UBE2Q2: variants seen among roughly 807,000 people sequenced by gnomAD.
UBE2Q2 encodes the protein ubiquitin-conjugating enzyme E2 Q2.
A neutral mutation model predicts 59.9 loss-of-function variants in UBE2Q2; 54 were observed. That is an observed-to-expected ratio of 0.90 (90% confidence interval 0.72 to 1.13). The LOEUF (loss-of-function observed/expected upper bound fraction) is 1.13. Ranked by LOEUF, UBE2Q2 falls within the 50% of genes most tolerant of loss-of-function variation. The pLI is 0.00. For synonymous variants in UBE2Q2, 165 were observed against 155.2 expected, an observed-to-expected ratio of 1.06 and a Z score of -0.47; for missense variants, 433 against 441.9, an observed-to-expected ratio of 0.98 and a Z score of 0.18.
chr15:75,862,343 C>A (rs1897241928), intron 3 of UBE2Q2, among the ~76,000 whole-genome samples: 2 of 150,178 alleles, frequency 1.3e-5, no homozygotes, highest in South Asian at 4.2e-4. Flanking sequence ...CTTTAAGGAG[C>A]TATTTTGATA....
intron 2 of UBE2Q2, among the ~76,000 whole-genome samples, chr15:75,855,872 C>T (rs778566580): frequency 1.3e-5 from 2 of 152,128 alleles, no homozygotes; most frequent in Non-Finnish European, 2.9e-5. Context: ...TGTCACTTAT[C>T]GCCATGTCTT....
chr15:75,876,327 C>A, intron 6 of UBE2Q2, 56 bp downstream of exon 6: 1 of 1,444,354 alleles, frequency 6.9e-7, no homozygotes, highest in South Asian at 1.2e-5. Context: ...TTTCTATTGT[C>A]AGATTATAAA....
intron 6 of UBE2Q2, 82 bp downstream of exon 6, chr15:75,876,353 C>A: frequency 1.6e-6 from 2 of 1,242,264 alleles, no homozygotes; most frequent in Non-Finnish European, 2.2e-6. Context: ...TTTCTTAAAA[C>A]TGGACAGAAA....
intron 3 of UBE2Q2, among the ~76,000 whole-genome samples, chr15:75,866,613 T>G (rs994328033): frequency 6.6e-6 from 1 of 152,200 alleles, no homozygotes; most frequent in African/African-American, 2.4e-5. Context: ...TCAATGTCCC[T>G]TAACTGTTCT....
At position 75,897,018 on chromosome 15, in the gene UBE2Q2, C is replaced by A; in HGVS notation, c.1053C>A (p.Ala351=). The A allele has an allele frequency of 1.3e-6, 2 of 1,571,218 alleles. No individual in the cohort carries two copies. Among genetic ancestry groups the A allele is most frequent in the Non-Finnish European group, 8.6e-7 (1 of 1,156,176 alleles). ...ANKNQYNLAR[A]QQSYNSIVQI... ...AGAATCAATATAATCTAGCAAGAGCCCAACAATCCTATAATTCCATTGTAC... is the reference window on the plus strand; with the variant it reads ...AGAATCAATATAATCTAGCAAGAGCACAACAATCCTATAATTCCATTGTAC... The change falls in exon 12 of 13, where the codon GCC becomes GCA. Residue 351 remains alanine (A), a synonymous_variant. Coordinates refer to ENST00000267938, the MANE Select transcript of UBE2Q2 (RefSeq NM_173469.4).
chr15:75,847,399 A>G (rs1454247112), intron 1 of UBE2Q2, among the ~76,000 whole-genome samples: 4 of 152,192 alleles, frequency 2.6e-5, no homozygotes, highest in African/African-American at 9.7e-5. Flanking sequence ...AGACCAAAAC[A>G]GAGTAGATGT....
At chr15:75,844,081 G>C (rs1177722268) in intron 1 of UBE2Q2, 5 of 1,411,884 alleles carry the variant, frequency 3.5e-6, no homozygotes. Flanking sequence ...TGGCTTGGGG[G>C]CTTCTGGCCC....
intron 1 of UBE2Q2, chr15:75,844,188 CCGGGGCGGGG>C (rs534143228): frequency 1.8e-5 from 26 of 1,445,776 alleles, no homozygotes; most frequent in African/African-American, 1.7e-4. Flanking sequence ...GCTCCCGGGA[CCGGGGCGGGG>C]CGGGGCGGGG....
chr15:75,886,618 T>C (rs1419724209), intron 9 of UBE2Q2, among the ~76,000 whole-genome samples: 2 of 152,136 alleles, frequency 1.3e-5, no homozygotes, highest in African/African-American at 4.8e-5. Context: ...CCAGATGTGG[T>C]TGCTCACGCC....
chr15:75,852,966 C>G (rs1285635303), intron 1 of UBE2Q2, among the ~76,000 whole-genome samples: 2 of 152,158 alleles, frequency 1.3e-5, no homozygotes, highest in African/African-American at 4.8e-5. Flanking sequence ...GATTATAGTT[C>G]TCAAAGCAGT....
At chr15:75,896,171 T>G (rs981878861) in intron 11 of UBE2Q2, among the ~76,000 whole-genome samples, 3 of 152,144 alleles carry the variant, frequency 2.0e-5, no homozygotes, top group African/African-American at 7.2e-5. Context: ...ATGAATAATC[T>G]TAAAGAGGGA....
chr15:75,854,181 A>G (rs541614060), intron 1 of UBE2Q2, among the ~76,000 whole-genome samples: 2 of 152,298 alleles, frequency 1.3e-5, no homozygotes, highest in East Asian at 1.9e-4. Context: ...ATTGACTTCT[A>G]TGAGCTGTAG....
At chr15:75,882,288 G>A (rs1898475785) in intron 8 of UBE2Q2, among the ~76,000 whole-genome samples, 3 of 152,122 alleles carry the variant, frequency 2.0e-5, no homozygotes, top group South Asian at 4.1e-4. Context: ...GAGTTAATAT[G>A]TACTAAGGTA....
Position 75,854,395 on chromosome 15 carries a change from C to G in UBE2Q2, c.190C>G (p.Pro64Ala). The G allele has an allele frequency of 6.2e-7, 1 of 1,612,226 alleles. No homozygotes were observed. ...TLHCNITESY[P>A]SSSPIWFVDS... Reference sequence around the variant, plus strand: ...TCTCTGTGTTAAACAGGAATCCTATCCATCTTCTTCACCGATATGGTTTGT... The same window carrying G: ...TCTCTGTGTTAAACAGGAATCCTATGCATCTTCTTCACCGATATGGTTTGT... Residue 64 changes from proline to alanine, a missense_variant, in exon 2 of 13, where the codon CCA (proline) becomes GCA (alanine). Physicochemically the swap from Pro to Ala is conservative, Grantham distance 27 (BLOSUM62 -1). Coordinates refer to ENST00000267938, the MANE Select transcript of UBE2Q2 (RefSeq NM_173469.4).
rs1252084974 is a variant in UBE2Q2 at position 75,867,382 on chromosome 15, T to TAGAC, written c.388-1569_388-1568insAGAC. Among the ~76,000 whole-genome samples the TAGAC allele has an allele frequency of 1.3e-4, 20 of 152,378 alleles. No homozygotes were observed. The East Asian group carries it at 3.7e-3, about 28-fold the overall frequency. On this transcript the variant is annotated intron_variant, in intron 3 of 12. Transcript: ENST00000267938. ...GTCCCTGCATTATTTGGATTGAGTC[T>TAGAC]GTGACTTTCTCAAGCCCAGCAGTCT...
At chr15:75,885,750 C>T (rs1344015886) in intron 9 of UBE2Q2, among the ~76,000 whole-genome samples, 2 of 152,180 alleles carry the variant, frequency 1.3e-5, no homozygotes, top group African/African-American at 4.8e-5. Context: ...TATACTATCA[C>T]AGTGAGTGGA....
chr15:75,873,649 C>A, intron 5 of UBE2Q2, 81 bp downstream of exon 5: 1 of 1,440,696 alleles, frequency 6.9e-7, no homozygotes, highest in African/African-American at 1.4e-5. Context: ...ATTAACATGC[C>A]CATCTCAGCT....
intron 1 of UBE2Q2, among the ~76,000 whole-genome samples, chr15:75,850,158 T>G (rs1188028156): frequency 6.6e-6 from 1 of 152,218 alleles, no homozygotes; most frequent in Non-Finnish European, 1.5e-5. Context: ...TTAAGTTTCC[T>G]GGCGTGGTGG....
At chr15:75,880,257 T>C (rs973859619) in intron 8 of UBE2Q2, among the ~76,000 whole-genome samples, 2 of 151,282 alleles carry the variant, frequency 1.3e-5, no homozygotes, top group African/African-American at 4.9e-5. Context: ...GGATTACAGG[T>C]GCATGTCACC....
Sources: gnomAD v4.1 joint callset for allele counts (sites outside exome capture counted in the v4.1 genomes callset) on GRCh38, gnomAD v4.1.1 for gene constraint, MANE v1.5 for transcripts, NCBI Gene and HGNC (gene_info 2026-07-23, HGNC 2026-07-21) for gene names.